Variants in CHRM3 observed in about 807,000 individuals in gnomAD.
CHRM3 encodes the protein muscarinic acetylcholine receptor M3.
In CHRM3, 11 loss-of-function variants were observed where a neutral mutation model predicts 41.8. The ratio of observed to expected loss-of-function variants is 0.26; its 90% confidence interval spans 0.17 to 0.44. The LOEUF is 0.44. Among genes scored for constraint, CHRM3 ranks in the 20% least tolerant of loss-of-function variants. The pLI is 1.00. For synonymous variants in CHRM3, 297 were observed against 301.4 expected, an observed-to-expected ratio of 0.99 and a Z score of 0.15; for missense variants, 571 against 745.4, an observed-to-expected ratio of 0.77 and a Z score of 2.72.
intron 2 of CHRM3, among the ~76,000 whole-genome samples, chr1:239,536,324 AC>A (rs1371613987): frequency 7.9e-5 from 12 of 152,018 alleles, no homozygotes; most frequent in African/African-American, 2.7e-4. Context: ...GGTTACAAGT[AC>A]TCTCTTGGCT....
At chr1:239,569,368 A>T (rs1290984487) in intron 3 of CHRM3, among the ~76,000 whole-genome samples, 1 of 152,214 alleles carries the variant, frequency 6.6e-6, no homozygotes, top group Admixed American at 6.5e-5. Flanking sequence ...CTTACTTCAC[A>T]AATCAGGCCC....
chr1:239,573,899 A>G lies in CHRM3; in HGVS notation c.-313+28150A>G, dbSNP rs111447410. Among the ~76,000 whole-genome samples the G allele has an allele frequency of 8.7e-3, 1,318 of 152,062 alleles. 41 individuals are homozygous for G. The East Asian group carries it at 0.11, about 13-fold the overall frequency. ...CCTTGTCTTCCACACTAGGTCCCCC[A>G]TCATACCTTAGAAAGTTATTTCTTG... On this transcript the variant is annotated intron_variant, in intron 3 of 6. Coordinates refer to ENST00000676153, the MANE Select transcript of CHRM3 (RefSeq NM_001375978.1).
intron 3 of CHRM3, among the ~76,000 whole-genome samples, chr1:239,620,129 T>C (rs183660241): frequency 2.0e-3 from 303 of 152,336 alleles, no homozygotes; most frequent in African/African-American, 7.0e-3. Context: ...AATAACAGCA[T>C]TGACTTTTAG....
chr1:239,774,990 G>A (rs1403812975), intron 5 of CHRM3, among the ~76,000 whole-genome samples: 1 of 151,944 alleles, frequency 6.6e-6, no homozygotes, highest in Non-Finnish European at 1.5e-5. Flanking sequence ...GAAAAAGGAT[G>A]TGAAAAAAAG....
intron 4 of CHRM3, among the ~76,000 whole-genome samples, chr1:239,660,360 A>G (rs1664274293): frequency 6.6e-6 from 1 of 152,042 alleles, no homozygotes; most frequent in Non-Finnish European, 1.5e-5. Flanking sequence ...GCCTTGTATT[A>G]TACGATCTCC....
Position 239,604,556 on chromosome 1 carries a change from C to T in CHRM3, c.-312-27668C>T, listed in dbSNP as rs529034517. ...ACGTCCAGAGACAAGTGAATCTCTG[C>T]TGGCTTTCTTTGCCCTGATTACTCA... On this transcript the variant is annotated intron_variant, in intron 3 of 6. Coordinates refer to ENST00000676153, the MANE Select transcript of CHRM3 (RefSeq NM_001375978.1). Among the ~76,000 whole-genome samples the T allele has an allele frequency of 2.6e-5, 4 of 152,300 alleles. No homozygotes were observed. In the East Asian group the frequency reaches 7.7e-4, roughly 29 times the overall value.
chr1:239,599,206 AATGACTGTTTC>A (rs1323025768), intron 3 of CHRM3, among the ~76,000 whole-genome samples: 3 of 152,086 alleles, frequency 2.0e-5, no homozygotes, highest in Non-Finnish European at 2.9e-5. Flanking sequence ...CCAATAAAAC[AATGACTGTTTC>A]ATCATGAAAT....
intron 4 of CHRM3, among the ~76,000 whole-genome samples, chr1:239,641,182 C>T (rs1256101850): frequency 6.6e-6 from 1 of 152,090 alleles, no homozygotes; most frequent in Non-Finnish European, 1.5e-5. Context: ...GCTTTACTTC[C>T]AACTATGTGG....
chr1:239,897,959 GA>G (rs1285425355), intron 6 of CHRM3: 3 of 152,086 alleles, frequency 2.0e-5, no homozygotes, highest in African/African-American at 4.8e-5. Context: ...AAAAACCCAT[GA>G]AAAGTGGCAA....
At chr1:239,763,932 T>TA (rs969710596) in intron 5 of CHRM3, among the ~76,000 whole-genome samples, 8 of 149,994 alleles carry the variant, frequency 5.3e-5, no homozygotes, top group East Asian at 2.0e-4. Context: ...CCCCATCTCT[T>TA]AAAAAAAAAT....
chr1:239,510,418 T>C (rs1353217777), intron 2 of CHRM3, among the ~76,000 whole-genome samples: 2 of 152,228 alleles, frequency 1.3e-5, no homozygotes, highest in Non-Finnish European at 2.9e-5. Context: ...ATGAAAATGC[T>C]GTAGCCGTCT....
At chr1:239,724,146 C>T (rs769305550) in intron 5 of CHRM3, among the ~76,000 whole-genome samples, 3 of 151,602 alleles carry the variant, frequency 2.0e-5, no homozygotes, top group Non-Finnish European at 4.4e-5. Context: ...GGACCAATGT[C>T]GACTTGGTAA....
chr1:239,558,271 T>G (rs989728132), intron 3 of CHRM3, among the ~76,000 whole-genome samples: 2 of 152,192 alleles, frequency 1.3e-5, no homozygotes, highest in African/African-American at 4.8e-5. Flanking sequence ...TGGCTGCATG[T>G]ATGTCTTCTT....
intron 3 of CHRM3, among the ~76,000 whole-genome samples, chr1:239,611,508 A>G (rs916622632): frequency 2.5e-4 from 36 of 144,316 alleles, no homozygotes; most frequent in African/African-American, 8.1e-4. Flanking sequence ...GCAACCTCCA[A>G]CTCCCTGGTT....
At chr1:239,651,617 G>A (rs1370435841) in intron 4 of CHRM3, among the ~76,000 whole-genome samples, 6 of 152,130 alleles carry the variant, frequency 3.9e-5, no homozygotes, top group Admixed American at 3.3e-4. Flanking sequence ...CCTACCTCCA[G>A]CACTTTCTGA....
In CHRM3 at chr1:239,832,120, T is replaced by A. The variant is rs1301989486; in HGVS notation, c.-20+4742T>A. Among the ~76,000 whole-genome samples, 5 of 152,314 alleles carry A rather than the reference T, an allele frequency of 3.3e-5. No individual in the cohort carries two copies. The East Asian group carries it at 9.7e-4, about 29-fold the overall frequency. ...CTGAATGTTTTACGGTAAAATCACTTGAGAGGAAGCAGCTGCATGTGAGCC... is the reference window on the plus strand; with the variant it reads ...CTGAATGTTTTACGGTAAAATCACTAGAGAGGAAGCAGCTGCATGTGAGCC... On this transcript the variant is annotated intron_variant, in intron 6 of 6. Coordinates refer to ENST00000676153, the MANE Select transcript of CHRM3 (RefSeq NM_001375978.1).
chr1:239,623,486 T>TCA (rs1668653086), intron 3 of CHRM3, among the ~76,000 whole-genome samples: 1 of 133,718 alleles, frequency 7.5e-6, no homozygotes, highest in Non-Finnish European at 1.6e-5. Context: ...TGTATAAGTT[T>TCA]TTTTTTTTTT....
rs1171130032 is a variant in CHRM3, at chr1:239,674,039, C to G, written c.-249-4147C>G. On this transcript the variant is annotated intron_variant, in intron 4 of 6. Transcript: ENST00000676153. The stretch of plus-strand genomic sequence containing the variant: ...GGATTTTTCGGTTAGGAATGCCCAA[C>G]AAGTACAAATATTCCAAAATCTGAA... Among the ~76,000 whole-genome samples, 6 of 152,250 alleles carry G rather than the reference C, an allele frequency of 3.9e-5. No homozygotes were observed. The East Asian group carries it at 1.2e-3, about 29-fold the overall frequency.
At chr1:239,694,167 G>C (rs114273500) in intron 5 of CHRM3, among the ~76,000 whole-genome samples, 6 of 152,142 alleles carry the variant, frequency 3.9e-5, no homozygotes, top group African/African-American at 1.2e-4. Context: ...ATTTACATAT[G>C]TCAAAAATAA....
Sources: gnomAD v4.1 joint callset for allele counts (sites outside exome capture counted in the v4.1 genomes callset) on GRCh38, gnomAD v4.1.1 for gene constraint, MANE v1.5 for transcripts, NCBI Gene and HGNC (gene_info 2026-07-23, HGNC 2026-07-21) for gene names.